The following MTMR7 variants were observed in gnomAD, a reference collection of about 807,000 sequenced individuals.
MTMR7 encodes the protein phosphatidylinositol-3-phosphate phosphatase MTMR7.
Under a neutral mutation model 81.2 loss-of-function variants are expected in MTMR7, and 76 were observed. That is an observed-to-expected ratio of 0.94 (90% confidence interval 0.78 to 1.13). The LOEUF is 1.13. Ranked by LOEUF, MTMR7 falls within the 50% of genes most tolerant of loss-of-function variation. The pLI, the probability that MTMR7 is intolerant of heterozygous loss-of-function variation, is 0.00. For missense variants in MTMR7, 1,044 were observed against 820.0 expected (o/e 1.27, Z -3.34); for synonymous variants, 372 against 289.8 (o/e 1.28, Z -2.88).
chr8:17,389,676 GA>G (rs1191568081), intron 1 of MTMR7, among the ~76,000 whole-genome samples: 2 of 152,184 alleles, frequency 1.3e-5, no homozygotes, highest in Non-Finnish European at 2.9e-5. Context: ...CTTTATTATT[GA>G]ATTTGACTTT....
intron 6 of MTMR7, among the ~76,000 whole-genome samples, chr8:17,340,493 G>T (rs1021686059): frequency 6.6e-6 from 1 of 152,188 alleles, no homozygotes; most frequent in Non-Finnish European, 1.5e-5. Flanking sequence ...GCACTTGTAG[G>T]TGACTTTGTG....
intron 3 of MTMR7, among the ~76,000 whole-genome samples, chr8:17,365,483 T>C (rs1274564732): frequency 6.6e-6 from 1 of 152,208 alleles, no homozygotes; most frequent in African/African-American, 2.4e-5. Flanking sequence ...CTACCCACTC[T>C]TAAAACAGGC....
At chr8:17,351,161 G>A (rs1819717572) in intron 4 of MTMR7, among the ~76,000 whole-genome samples, 1 of 152,342 alleles carries the variant, frequency 6.6e-6, no homozygotes, top group African/African-American at 2.4e-5. Flanking sequence ...AAAAGGAAAT[G>A]AGTAGGTTTT....
At chr8:17,323,446 T>C (rs1818511547) in intron 7 of MTMR7, among the ~76,000 whole-genome samples, 1 of 151,968 alleles carries the variant, frequency 6.6e-6, no homozygotes, top group Non-Finnish European at 1.5e-5. Context: ...TAAGGGATGC[T>C]AAAATCTAAC....
At chr8:17,403,833 A>G (rs112182398) in intron 1 of MTMR7, among the ~76,000 whole-genome samples, 5,907 of 152,290 alleles carry the variant, frequency 0.039, 343 homozygotes, top group African/African-American at 0.12. Context: ...ATTTGTAGCT[A>G]TTATAAATAG....
rs1270091405 is a variant in MTMR7, at chr8:17,299,998, T to C, written c.1847A>G (p.Asp616Gly). Reference protein sequence around the residue: ...TQDNLKSSDPDLSANSDQESG... With the variant: ...TQDNLKSSDPGLSANSDQESG... ...CTCTTGGTCACTGTTGGCTGACAGA[T>C]CTGGATCTGAACTTTTCAGATTGTC... The change falls in exon 14 of 14, where the codon GAT becomes GGT. Residue 616 changes from aspartate to glycine, a missense_variant. Asp to Gly is a moderately conservative substitution (Grantham distance 94). Coordinates refer to ENST00000180173, the MANE Select transcript of MTMR7 (RefSeq NM_004686.5). The C allele has an allele frequency of 6.2e-7, 1 of 1,614,008 alleles. No individual in the cohort carries two copies. The highest frequency in any genetic ancestry group is 8.5e-7 in the Non-Finnish European group (1 of 1,180,018).
chr8:17,320,131 T>C (rs1488670910), intron 7 of MTMR7, among the ~76,000 whole-genome samples: 2 of 151,844 alleles, frequency 1.3e-5, no homozygotes, highest in Non-Finnish European at 2.9e-5. Context: ...ATTAATAATA[T>C]AAATATATAT....
chr8:17,302,320 C>G (rs556144960), intron 12 of MTMR7, 40 bp from the exon 13 acceptor site: 1 of 1,580,086 alleles, frequency 6.3e-7, no homozygotes, highest in Non-Finnish European at 8.6e-7. Context: ...CACCTTATCA[C>G]AGTCTGAAAA....
intron 13 of MTMR7, among the ~76,000 whole-genome samples, chr8:17,300,596 A>G (rs1046993242): frequency 6.6e-6 from 1 of 152,226 alleles, no homozygotes; most frequent in African/African-American, 2.4e-5. Context: ...TTTATCATCT[A>G]ACTTTTATAC....
At chr8:17,334,785 G>A (rs1427344565) in intron 6 of MTMR7, among the ~76,000 whole-genome samples, 1 of 152,216 alleles carries the variant, frequency 6.6e-6, no homozygotes, top group Non-Finnish European at 1.5e-5. Flanking sequence ...CAACGGGAGA[G>A]ACAGTGACAA....
intron 5 of MTMR7, among the ~76,000 whole-genome samples, chr8:17,344,650 C>G (rs1819501079): frequency 1.3e-5 from 2 of 152,086 alleles, no homozygotes; most frequent in African/African-American, 4.8e-5. Flanking sequence ...GCTTCCAGTA[C>G]CAGTTGTGCT....
intron 1 of MTMR7, among the ~76,000 whole-genome samples, chr8:17,404,826 TTTTTG>T (rs1821530928): frequency 6.6e-6 from 1 of 152,174 alleles, no homozygotes; most frequent in South Asian, 2.1e-4. Context: ...TGTTGTTTTG[TTTTTG>T]TTTTGTTTTG....
chr8:17,300,337 G>C, intron 13 of MTMR7, 113 bp from the exon 14 acceptor site: 1 of 1,168,858 alleles, frequency 8.6e-7, no homozygotes, highest in Non-Finnish European at 1.2e-6. Flanking sequence ...TTAAGAACAT[G>C]TGACTCAGAG....
intron 1 of MTMR7, among the ~76,000 whole-genome samples, chr8:17,378,628 T>G (rs926864711): frequency 2.0e-5 from 3 of 152,242 alleles, no homozygotes; most frequent in Non-Finnish European, 2.9e-5. Flanking sequence ...AGCACTATGC[T>G]TAAGACATAC....
intron 13 of MTMR7, chr8:17,301,763 T>G (rs1817128983): frequency 9.3e-6 from 2 of 215,652 alleles, no homozygotes; most frequent in Non-Finnish European, 1.8e-5. Context: ...CAATTATAGA[T>G]TAATATCATA....
intron 1 of MTMR7, among the ~76,000 whole-genome samples, chr8:17,383,357 A>C (rs1820821272): frequency 6.6e-6 from 1 of 152,210 alleles, no homozygotes; most frequent in Non-Finnish European, 1.5e-5. Context: ...AAATACTTTT[A>C]CCACTGACCA....
chr8:17,403,176 A>G (rs1401691152), intron 1 of MTMR7, among the ~76,000 whole-genome samples: 1 of 152,128 alleles, frequency 6.6e-6, no homozygotes, highest in African/African-American at 2.4e-5. Flanking sequence ...TAGTTTACAA[A>G]TATTTTCTCC....
intron 7 of MTMR7, among the ~76,000 whole-genome samples, chr8:17,319,995 A>G (rs1818297699): frequency 2.6e-5 from 4 of 152,236 alleles, no homozygotes; most frequent in African/African-American, 7.2e-5. Flanking sequence ...AGTGTAAAAT[A>G]TGAATCAAAT....
At chr8:17,338,674 T>C (rs1368664005) in intron 6 of MTMR7, 1 of 151,132 alleles carries the variant, frequency 6.6e-6, no homozygotes, top group Non-Finnish European at 1.5e-5. Flanking sequence ...CAGAGAACAG[T>C]AAAAGCCAGA....
Sources: allele counts gnomAD v4.1 joint callset (sites outside exome capture counted in the v4.1 genomes callset), GRCh38; gene constraint gnomAD v4.1.1; transcripts MANE v1.5; gene names NCBI Gene and HGNC (gene_info 2026-07-23, HGNC 2026-07-21).